IMMP2L: variants seen among roughly 807,000 people sequenced by gnomAD.
IMMP2L encodes inner mitochondrial membrane peptidase subunit 2.
Under a neutral mutation model 19.3 loss-of-function variants are expected in IMMP2L, and 18 were observed. The ratio of observed to expected loss-of-function variants is 0.93; its 90% confidence interval spans 0.64 to 1.38. The LOEUF (loss-of-function observed/expected upper bound fraction) is 1.38, where lower values mean the gene tolerates loss of function less well. Among genes scored for constraint, IMMP2L ranks in the 40% most tolerant of loss-of-function variants. The pLI is 0.00. For missense variants in IMMP2L, 233 were observed against 218.2 expected, an observed-to-expected ratio of 1.07 and a Z score of -0.43; for synonymous variants, 76 against 73.0, an observed-to-expected ratio of 1.04 and a Z score of -0.21.
At chr7:110,913,061 G>A (rs943168380) in intron 4 of IMMP2L, among the ~76,000 whole-genome samples, 1 of 152,126 alleles carries the variant, frequency 6.6e-6, no homozygotes, top group Non-Finnish European at 1.5e-5. Flanking sequence ...TTTGGAGGTT[G>A]TAGTTTCCAT....
At chr7:111,528,593 C>T (rs1164987287) in intron 1 of IMMP2L, among the ~76,000 whole-genome samples, 1 of 152,154 alleles carries the variant, frequency 6.6e-6, no homozygotes, top group Non-Finnish European at 1.5e-5. Flanking sequence ...AAATTTCTCT[C>T]CTTCCCGTAA....
intron 5 of IMMP2L, among the ~76,000 whole-genome samples, chr7:110,699,739 G>A (rs1794130501): frequency 6.9e-6 from 1 of 145,408 alleles, no homozygotes. Context: ...CTGCACTTCA[G>A]TCTGGGTGAC....
chr7:110,968,989 A>G (rs185669005), intron 3 of IMMP2L, among the ~76,000 whole-genome samples: 1 of 152,194 alleles, frequency 6.6e-6, no homozygotes, highest in Admixed American at 6.5e-5. Flanking sequence ...GCCCTCTAAT[A>G]AAAGAATTTT....
intron 3 of IMMP2L, among the ~76,000 whole-genome samples, chr7:111,330,990 T>G (rs1251240856): frequency 6.6e-6 from 1 of 151,906 alleles, no homozygotes; most frequent in Non-Finnish European, 1.5e-5. Flanking sequence ...GAATATATAT[T>G]AGTATATCGA....
intron 2 of IMMP2L, among the ~76,000 whole-genome samples, chr7:111,519,210 A>T (rs529120679): frequency 6.6e-6 from 1 of 152,284 alleles, no homozygotes; most frequent in East Asian, 1.9e-4. Flanking sequence ...CCTGCTATGC[A>T]GAGAAAACTG....
At chr7:111,380,246 A>C (rs1293602819) in intron 3 of IMMP2L, among the ~76,000 whole-genome samples, 1 of 151,960 alleles carries the variant, frequency 6.6e-6, no homozygotes, top group African/African-American at 2.4e-5. Flanking sequence ...TTTATTAAGA[A>C]ATACCCTCTA....
chr7:110,948,608 AT>A (rs1817490558), intron 4 of IMMP2L, among the ~76,000 whole-genome samples: 1 of 152,176 alleles, frequency 6.6e-6, no homozygotes, highest in African/African-American at 2.4e-5. Flanking sequence ...GGGCAATGAA[AT>A]TTAGTATTCT....
chr7:111,012,954 T>C (rs1351660021), intron 3 of IMMP2L, among the ~76,000 whole-genome samples: 1 of 152,162 alleles, frequency 6.6e-6, no homozygotes, highest in Non-Finnish European at 1.5e-5. Flanking sequence ...GCACTGCAGC[T>C]TTCATTCATT....
chr7:111,152,906 G>C (rs1356229022), intron 3 of IMMP2L, among the ~76,000 whole-genome samples: 8 of 152,082 alleles, frequency 5.3e-5, no homozygotes, highest in Non-Finnish European at 7.4e-5. Context: ...ATAGTGGATA[G>C]CTGTATATAA....
rs529201581 is a variant in IMMP2L, at chr7:110,876,470, C to T, written c.408+10123G>A. On this transcript the variant is annotated intron_variant, in intron 5 of 5. Transcript: ENST00000405709. ...GGACAAAAATCTAATCATTACCAGG[C>T]AGCACAATTCTCATCAGGTAGCCAA... 2.0e-5 allele frequency among the ~76,000 whole-genome samples: 3 copies of T among 152,106 alleles called. No homozygotes were observed. The East Asian group carries it at 5.8e-4, about 29-fold the overall frequency.
At chr7:111,359,992 T>C (rs957437185) in intron 3 of IMMP2L, among the ~76,000 whole-genome samples, 1 of 152,130 alleles carries the variant, frequency 6.6e-6, no homozygotes, top group African/African-American at 2.4e-5. Context: ...ATAACCTATT[T>C]GAATTTCTTT....
chr7:110,819,628 A>G (rs956396392), intron 5 of IMMP2L, among the ~76,000 whole-genome samples: 1 of 152,036 alleles, frequency 6.6e-6, no homozygotes, highest in African/African-American at 2.4e-5. Flanking sequence ...AATTTCTTAA[A>G]CCACACAGTA....
chr7:111,136,518 C>T (rs557396791), intron 3 of IMMP2L, among the ~76,000 whole-genome samples: 35 of 152,166 alleles, frequency 2.3e-4, no homozygotes, highest in Non-Finnish European at 4.0e-4. Flanking sequence ...TTTGTTTGTT[C>T]CATACTGAAG....
intron 3 of IMMP2L, among the ~76,000 whole-genome samples, chr7:111,092,341 G>A (rs1796959374): frequency 6.6e-6 from 1 of 152,150 alleles, no homozygotes; most frequent in Admixed American, 6.5e-5. Flanking sequence ...AAAATTGTTT[G>A]TTCTAACCAA....
chr7:111,058,122 T>C (rs1229487670), intron 3 of IMMP2L, among the ~76,000 whole-genome samples: 1 of 152,154 alleles, frequency 6.6e-6, no homozygotes, highest in Admixed American at 6.5e-5. Flanking sequence ...CACAAACACA[T>C]GAATTTATCT....
chr7:111,026,219 C>T (rs1035015145), intron 3 of IMMP2L, among the ~76,000 whole-genome samples: 39 of 152,158 alleles, frequency 2.6e-4, no homozygotes, highest in African/African-American at 9.4e-4. Flanking sequence ...CATTCTACTA[C>T]ATTGTGTAAT....
chr7:111,031,432 A>C (rs1790811372), intron 3 of IMMP2L, among the ~76,000 whole-genome samples: 1 of 132,678 alleles, frequency 7.5e-6, no homozygotes, highest in Non-Finnish European at 1.7e-5. Context: ...TCCTATATTG[A>C]TGTGGATATG....
intron 3 of IMMP2L, among the ~76,000 whole-genome samples, chr7:111,080,079 GA>G (rs1192099256): frequency 6.6e-6 from 1 of 151,950 alleles, no homozygotes; most frequent in African/African-American, 2.4e-5. Context: ...TACAGCAACA[GA>G]AAATGGACTA....
At chr7:110,682,455 G>A (rs1246755516) in intron 5 of IMMP2L, among the ~76,000 whole-genome samples, 1 of 152,124 alleles carries the variant, frequency 6.6e-6, no homozygotes, top group Non-Finnish European at 1.5e-5. Flanking sequence ...ATGGAAAGAT[G>A]CTCAAAAAAG....
Sources: allele counts gnomAD v4.1 joint callset (sites outside exome capture counted in the v4.1 genomes callset), GRCh38; gene constraint gnomAD v4.1.1; transcripts MANE v1.5; gene names NCBI Gene and HGNC (gene_info 2026-07-23, HGNC 2026-07-21).